Variants in RAD51B observed in about 807,000 individuals in gnomAD.
RAD51B encodes the protein RAD51 paralog B.
A neutral mutation model predicts 42.2 loss-of-function variants in RAD51B; 38 were observed. The ratio of observed to expected loss-of-function variants is 0.90; its 90% CI spans 0.70 to 1.18. The LOEUF (loss-of-function observed/expected upper bound fraction) is 1.18, where lower values mean the gene tolerates loss of function less well. RAD51B is among the 50% of genes most tolerant of loss of function. The pLI, the probability that RAD51B is intolerant of heterozygous loss-of-function variation, is 0.00. For missense variants in RAD51B, 373 were observed against 400.7 expected, an observed-to-expected ratio of 0.93 and a Z score of 0.59; for synonymous variants, 154 against 145.2, an observed-to-expected ratio of 1.06 and a Z score of -0.43.
chr14:68,126,691 C>A (rs544226435), intron 7 of RAD51B, among the ~76,000 whole-genome samples: 1 of 152,154 alleles, frequency 6.6e-6, no homozygotes, highest in Non-Finnish European at 1.5e-5. Context: ...AAAATGGATT[C>A]TTCTGCAATT....
rs370693085 is a variant in RAD51B at position 68,208,443 on chromosome 14, T to C, written c.757-83441T>C. Reference sequence around the variant, plus strand: ...TTGCCCACTTTGAAAGCCAAGATATTCTCATTCCTTTCAGCCACAGAAAGG... The same window carrying C: ...TTGCCCACTTTGAAAGCCAAGATATCCTCATTCCTTTCAGCCACAGAAAGG... On this transcript the variant is annotated intron_variant, in intron 7 of 10. Transcript: ENST00000471583. 3.3e-5 allele frequency among the ~76,000 whole-genome samples: 5 copies of C among 152,322 alleles called. No individual in the cohort carries two copies. In the East Asian group the frequency reaches 9.6e-4, roughly 29 times the overall value.
intron 7 of RAD51B, among the ~76,000 whole-genome samples, chr14:68,044,472 C>T (rs539775876): frequency 2.6e-4 from 40 of 152,210 alleles, no homozygotes; most frequent in Middle Eastern, 3.4e-3. Flanking sequence ...AGTTCTTGAC[C>T]TTATCCTGGC....
At chr14:67,980,213 G>A (rs2075065950) in intron 7 of RAD51B, among the ~76,000 whole-genome samples, 1 of 152,110 alleles carries the variant, frequency 6.6e-6, no homozygotes, top group African/African-American at 2.4e-5. Flanking sequence ...GGGAGGCCGA[G>A]GCAGGTGGAT....
intron 7 of RAD51B, among the ~76,000 whole-genome samples, chr14:68,118,973 T>G (rs548467565): frequency 6.6e-6 from 1 of 152,098 alleles, no homozygotes; most frequent in African/African-American, 2.4e-5. Flanking sequence ...TTTTTTTTTA[T>G]TGAGACAAAG....
chr14:68,009,412 C>T (rs978452388), intron 7 of RAD51B, among the ~76,000 whole-genome samples: 18 of 152,012 alleles, frequency 1.2e-4, no homozygotes, highest in Admixed American at 9.8e-4. Flanking sequence ...TATCATTCAT[C>T]ACTTTCTATT....
At chr14:67,926,540 G>A (rs1415121669) in intron 7 of RAD51B, among the ~76,000 whole-genome samples, 2 of 140,568 alleles carry the variant, frequency 1.4e-5, no homozygotes. Flanking sequence ...TCATGCCAGT[G>A]TTGAAGGGAT....
intron 7 of RAD51B, among the ~76,000 whole-genome samples, chr14:68,102,315 A>G (rs1290158579): frequency 6.6e-6 from 1 of 152,154 alleles, no homozygotes; most frequent in East Asian, 1.9e-4. Context: ...GTCTGCTTGA[A>G]TTTCTCCTCA....
intron 7 of RAD51B, among the ~76,000 whole-genome samples, chr14:68,202,541 T>G (rs2079507663): frequency 6.7e-6 from 1 of 148,742 alleles, no homozygotes; most frequent in Admixed American, 6.7e-5. Flanking sequence ...CTCAAGAAAC[T>G]ACTTTCTTTG....
intron 7 of RAD51B, among the ~76,000 whole-genome samples, chr14:67,933,125 T>C (rs2044803011): frequency 6.6e-6 from 1 of 152,224 alleles, no homozygotes; most frequent in Non-Finnish European, 1.5e-5. Flanking sequence ...ATCTTTCCAC[T>C]TGTGAGCTTG....
At chr14:68,093,680 T>A (rs1023479064) in intron 7 of RAD51B, among the ~76,000 whole-genome samples, 6 of 152,120 alleles carry the variant, frequency 3.9e-5, no homozygotes, top group Non-Finnish European at 7.4e-5. Flanking sequence ...TTTTGAAGGG[T>A]GTTTTGTGTC....
At chr14:68,083,254 A>G (rs949126849) in intron 7 of RAD51B, among the ~76,000 whole-genome samples, 25 of 152,242 alleles carry the variant, frequency 1.6e-4, no homozygotes, top group African/African-American at 4.8e-4. Flanking sequence ...GGGTCTTTCT[A>G]TATAATTTCA....
intron 10 of RAD51B, among the ~76,000 whole-genome samples, chr14:68,630,179 T>TCAC (rs10694427): frequency 0.77 from 116,722 of 151,876 alleles, 45,137 homozygotes; most frequent in East Asian, 0.95. Flanking sequence ...AGGACTGTGC[T>TCAC]CACAAGCTTA....
chr14:67,965,610 C>T (rs1326587833), intron 7 of RAD51B, among the ~76,000 whole-genome samples: 2 of 152,044 alleles, frequency 1.3e-5, no homozygotes, highest in African/African-American at 4.8e-5. Context: ...TACTTATTCT[C>T]ATCTCATTAC....
intron 7 of RAD51B, among the ~76,000 whole-genome samples, chr14:68,127,623 A>G (rs996248462): frequency 1.5e-5 from 2 of 136,168 alleles, no homozygotes; most frequent in African/African-American, 6.5e-5. Context: ...ACACACACAC[A>G]CACACACACA....
At chr14:68,184,092 C>CAAA (rs148664784) in intron 7 of RAD51B, among the ~76,000 whole-genome samples, 1,167 of 113,218 alleles carry the variant, frequency 0.01, 15 homozygotes, top group African/African-American at 0.038. Context: ...GACTCCATCT[C>CAAA]AAAAAAAAAA....
At chr14:68,118,678 G>A (rs2077590886) in intron 7 of RAD51B, among the ~76,000 whole-genome samples, 1 of 152,084 alleles carries the variant, frequency 6.6e-6, no homozygotes, top group African/African-American at 2.4e-5. Flanking sequence ...TGAGCTCTGC[G>A]GATTTTTTTA....
intron 7 of RAD51B, among the ~76,000 whole-genome samples, chr14:68,000,064 G>A (rs984472589): frequency 3.9e-5 from 6 of 151,986 alleles, no homozygotes; most frequent in African/African-American, 7.2e-5. Context: ...AAGAAAAAAA[G>A]AACAAACAGA....
At chr14:68,186,275 G>A (rs186548688) in intron 7 of RAD51B, among the ~76,000 whole-genome samples, 219 of 152,164 alleles carry the variant, frequency 1.4e-3, no homozygotes, top group African/African-American at 5.1e-3. Flanking sequence ...AGAAAACCTA[G>A]GAAATACCAT....
intron 7 of RAD51B, among the ~76,000 whole-genome samples, chr14:68,092,495 CTGTT>C (rs1464652141): frequency 4.6e-5 from 7 of 152,156 alleles, no homozygotes; most frequent in East Asian, 3.8e-4. Context: ...ATTTGGCTCT[CTGTT>C]TGTCCGTTAT....
Sources: gnomAD v4.1 joint callset for allele counts (sites outside exome capture counted in the v4.1 genomes callset) on GRCh38, gnomAD v4.1.1 for gene constraint, MANE v1.5 for transcripts, NCBI Gene and HGNC (gene_info 2026-07-23, HGNC 2026-07-21) for gene names.